Variants in DLGAP2 observed in about 807,000 individuals in gnomAD.
The protein encoded by DLGAP2 is DLG associated protein 2.
DLGAP2 carries 26 observed loss-of-function variants against 100.3 expected under a neutral mutation model. That is an observed-to-expected ratio of 0.26 (90% CI 0.19 to 0.36). DLGAP2 has a LOEUF of 0.36. Among genes scored for constraint, DLGAP2 ranks in the 10% least tolerant of loss-of-function variants. DLGAP2 has a pLI of 1.00. For missense variants in DLGAP2, 1,858 were observed against 1,453.2 expected, an observed-to-expected ratio of 1.28 and a Z score of -4.53; for synonymous variants, 886 against 630.1, an observed-to-expected ratio of 1.41 and a Z score of -6.08.
chr8:1,299,436 T>C (rs1432549750), intron 3 of DLGAP2, among the ~76,000 whole-genome samples: 1 of 152,224 alleles, frequency 6.6e-6, no homozygotes, highest in African/African-American at 2.4e-5. Flanking sequence ...AAAATTGTGA[T>C]GATGTTTAAT....
At chr8:1,199,677 A>G (rs7826946) in intron 2 of DLGAP2, among the ~76,000 whole-genome samples, 68,583 of 151,914 alleles carry the variant, frequency 0.45, 15,646 homozygotes, top group Middle Eastern at 0.64. Flanking sequence ...CCACTTTCTG[A>G]TGGAGAGTCT....
chr8:1,467,982 G>A (rs962845757), intron 3 of DLGAP2, among the ~76,000 whole-genome samples: 15 of 152,248 alleles, frequency 9.9e-5, no homozygotes, highest in African/African-American at 3.6e-4. Context: ...AGCTGGAACC[G>A]TGCTAATTCT....
intron 3 of DLGAP2, among the ~76,000 whole-genome samples, chr8:1,438,282 T>C (rs577743906): frequency 4.6e-5 from 7 of 152,160 alleles, no homozygotes; most frequent in Non-Finnish European, 2.9e-5. Flanking sequence ...AACCATGTCA[T>C]GGATATGAGG....
chr8:1,628,786 G>T (rs373734730), intron 7 of DLGAP2, among the ~76,000 whole-genome samples: 2 of 151,412 alleles, frequency 1.3e-5, no homozygotes, highest in Non-Finnish European at 2.9e-5. Flanking sequence ...GAGCCTGAGC[G>T]CAGGGATTAA....
chr8:1,104,324 A>G (rs1472704999), intron 2 of DLGAP2, among the ~76,000 whole-genome samples: 1 of 152,154 alleles, frequency 6.6e-6, no homozygotes, highest in Non-Finnish European at 1.5e-5. Flanking sequence ...CAGCACAGCC[A>G]TGTTACATCA....
At chr8:888,803 G>A (rs1271383610) in intron 1 of DLGAP2, among the ~76,000 whole-genome samples, 1 of 152,028 alleles carries the variant, frequency 6.6e-6, no homozygotes, top group Non-Finnish European at 1.5e-5. Context: ...TTGCCAGTAG[G>A]GTGTCTGTGT....
At chr8:1,332,966 G>A (rs1185250005) in intron 3 of DLGAP2, among the ~76,000 whole-genome samples, 1 of 152,194 alleles carries the variant, frequency 6.6e-6, no homozygotes, top group African/African-American at 2.4e-5. Flanking sequence ...CCTTCCACAA[G>A]CATGTGGCCG....
chr8:866,368 C>T (rs17739841), intron 1 of DLGAP2, among the ~76,000 whole-genome samples: 38,786 of 152,196 alleles, frequency 0.25, 5,579 homozygotes, highest in Non-Finnish European at 0.33. Context: ...GCCAGGCGGG[C>T]GCAGGTGACC....
chr8:1,177,254 G>T (rs991727537), intron 2 of DLGAP2, among the ~76,000 whole-genome samples: 1 of 152,058 alleles, frequency 6.6e-6, no homozygotes, highest in African/African-American at 2.4e-5. Context: ...CTTTATTTTA[G>T]ATCCCTTGCC....
At chr8:1,414,102 C>T (rs1230259171) in intron 3 of DLGAP2, among the ~76,000 whole-genome samples, 1 of 152,108 alleles carries the variant, frequency 6.6e-6, no homozygotes, top group African/African-American at 2.4e-5. Flanking sequence ...CTTTCAAGGT[C>T]AGTAAAGTCA....
chr8:1,101,271 C>T (rs1219277194), intron 2 of DLGAP2, among the ~76,000 whole-genome samples: 1 of 152,214 alleles, frequency 6.6e-6, no homozygotes, highest in African/African-American at 2.4e-5. Context: ...CACTCACCAA[C>T]ACAGGGTGGG....
intron 2 of DLGAP2, among the ~76,000 whole-genome samples, chr8:1,009,812 G>C (rs1044786269): frequency 6.6e-6 from 1 of 152,200 alleles, no homozygotes; most frequent in South Asian, 2.1e-4. Context: ...GAAGGAGGTG[G>C]TAATTTTGCA....
chr8:1,270,509 A>G (rs1799559334), intron 3 of DLGAP2, among the ~76,000 whole-genome samples: 1 of 152,232 alleles, frequency 6.6e-6, no homozygotes, highest in African/African-American at 2.4e-5. Flanking sequence ...GGAGAAATGC[A>G]GGCTCTAAGC....
intron 3 of DLGAP2, among the ~76,000 whole-genome samples, chr8:1,455,543 C>T (rs1229164616): frequency 6.6e-6 from 1 of 152,258 alleles, no homozygotes; most frequent in Non-Finnish European, 1.5e-5. Flanking sequence ...GTCCGCCTGA[C>T]ACACAGAGGC....
chr8:1,174,567 TCAC>T (rs1563231193), intron 2 of DLGAP2, among the ~76,000 whole-genome samples: 2 of 151,884 alleles, frequency 1.3e-5, no homozygotes, highest in African/African-American at 2.4e-5. Context: ...ATTATTACCA[TCAC>T]CACCACCATT....
intron 2 of DLGAP2, among the ~76,000 whole-genome samples, chr8:1,238,726 T>C (rs1798721713): frequency 1.0e-5 from 1 of 99,458 alleles, no homozygotes; most frequent in Admixed American, 9.6e-5. Context: ...TGTCTAGTTC[T>C]CTCACATGGC....
rs566327274 is a variant in DLGAP2, at chr8:1,691,469, T to C, written c.2705-66T>C. On this transcript the variant is annotated intron_variant, in intron 12 of 14. Coordinates refer to ENST00000637795, the MANE Select transcript of DLGAP2 (RefSeq NM_001346810.2). ...ACTCGCTCCCTTGGTGTGATGTTTC[T>C]GCTTTTGTGTAATTGACCCAGTTTT... 9.5e-6 allele frequency: 13 copies of C among 1,375,616 alleles called. No homozygotes were observed. The East Asian group carries it at 3.1e-4, about 32-fold the overall frequency. 85.2% of individuals were successfully genotyped at this position (1,375,616 alleles called of 1,614,324 possible).
At chr8:997,971 G>GCATACACACATA (rs71528630) in intron 2 of DLGAP2, among the ~76,000 whole-genome samples, 30,083 of 151,954 alleles carry the variant, frequency 0.2, 3,145 homozygotes, top group Admixed American at 0.25. Flanking sequence ...ATACACGCAT[G>GCATACACACATA]CATGTACATG....
rs964417235 is a variant in DLGAP2, at chr8:1,067,125, C to G, written c.73+159159C>G. ...TGACCCAGCCTCTCCGCACAGCCCC[C>G]TCTGTGATCTTCCCATTCTTCTGTG... is the stretch of plus-strand genomic sequence containing the variant. On this transcript the variant is annotated intron_variant, in intron 2 of 14. Transcript: ENST00000637795. Among the ~76,000 whole-genome samples the G allele has an allele frequency of 2.6e-5, 4 of 152,204 alleles. No homozygotes were observed. In the East Asian group the frequency reaches 5.8e-4, roughly 22 times the overall value.
Sources: gnomAD v4.1 joint callset for allele counts (sites outside exome capture counted in the v4.1 genomes callset) on GRCh38, gnomAD v4.1.1 for gene constraint, MANE v1.5 for transcripts, NCBI Gene and HGNC (gene_info 2026-07-23, HGNC 2026-07-21) for gene names.